The following KCND2 variants were observed in gnomAD, a reference collection of about 807,000 sequenced individuals.
The protein encoded by KCND2 is potassium voltage-gated channel subfamily D member 2.
In KCND2, 16 loss-of-function variants were observed where a neutral mutation model predicts 54.4. The ratio of observed to expected loss-of-function variants is 0.29; its 90% confidence interval spans 0.20 to 0.45. The LOEUF (loss-of-function observed/expected upper bound fraction) is 0.45. Among genes scored for constraint, KCND2 ranks in the 20% least tolerant of loss-of-function variants. The pLI is 1.00. For synonymous variants in KCND2, 317 were observed against 310.7 expected (o/e 1.02, Z -0.21); for missense variants, 486 against 824.2 (o/e 0.59, Z 5.02).
intron 1 of KCND2, among the ~76,000 whole-genome samples, chr7:120,663,489 C>T (rs1791890775): frequency 6.6e-6 from 1 of 152,074 alleles, no homozygotes; most frequent in South Asian, 2.1e-4. Context: ...TTTTAACTTT[C>T]ACTTTTTAAA....
chr7:120,523,562 C>T (rs141230615), intron 1 of KCND2, among the ~76,000 whole-genome samples: 25 of 149,018 alleles, frequency 1.7e-4, no homozygotes, highest in African/African-American at 6.1e-4. Flanking sequence ...TTGCTATTCT[C>T]GATAAGCCAA....
At chr7:120,511,195 TC>T (rs1026838349) in intron 1 of KCND2, among the ~76,000 whole-genome samples, 9 of 152,046 alleles carry the variant, frequency 5.9e-5, no homozygotes, top group African/African-American at 1.7e-4. Context: ...CACTCTCACT[TC>T]CTTCACATCT....
chr7:120,386,421 T>C (rs62471544), intron 1 of KCND2, among the ~76,000 whole-genome samples: 15,531 of 152,034 alleles, frequency 0.1, 831 homozygotes, highest in Admixed American at 0.13. Flanking sequence ...CACAGGATTA[T>C]CTTGGAACTC....
At position 120,348,177 on chromosome 7, in the gene KCND2, G is replaced by C. The variant is rs187835513; in HGVS notation, c.1115+72430G>C. 1.1e-4 allele frequency among the ~76,000 whole-genome samples: 16 copies of C among 152,228 alleles called. No homozygotes were observed. In the East Asian group the frequency reaches 2.9e-3, roughly 28 times the overall value. Reference sequence around the variant, plus strand: ...AGGGAATCATCAGATACGCTATAATGCTATCTCTTTGATTCCAAATATCAT... The same window carrying C: ...AGGGAATCATCAGATACGCTATAATCCTATCTCTTTGATTCCAAATATCAT... On this transcript the variant is annotated intron_variant, in intron 1 of 5. Coordinates refer to ENST00000331113, the MANE Select transcript of KCND2 (RefSeq NM_012281.3).
intron 1 of KCND2, among the ~76,000 whole-genome samples, chr7:120,444,899 C>T (rs1291559674): frequency 6.6e-6 from 1 of 152,034 alleles, no homozygotes; most frequent in Non-Finnish European, 1.5e-5. Flanking sequence ...TTAACACTTA[C>T]CTCAGTGGAA....
chr7:120,484,561 A>G (rs1414300858), intron 1 of KCND2, among the ~76,000 whole-genome samples: 4 of 151,430 alleles, frequency 2.6e-5, no homozygotes, highest in Non-Finnish European at 5.9e-5. Flanking sequence ...TCATTTTACT[A>G]CAGAAACTTG....
At chr7:120,641,587 T>A (rs1240204193) in intron 1 of KCND2, among the ~76,000 whole-genome samples, 10 of 152,136 alleles carry the variant, frequency 6.6e-5, no homozygotes, top group African/African-American at 2.4e-4. Context: ...CCAGATGCAG[T>A]GGGCTGAAGG....
intron 1 of KCND2, among the ~76,000 whole-genome samples, chr7:120,606,373 T>C (rs1003448613): frequency 3.9e-5 from 6 of 152,192 alleles, no homozygotes; most frequent in African/African-American, 1.4e-4. Flanking sequence ...ACAATACTTT[T>C]AATTTTGATG....
At chr7:120,701,239 C>T (rs1792396897) in intron 1 of KCND2, among the ~76,000 whole-genome samples, 1 of 32,416 alleles carries the variant, frequency 3.1e-5, no homozygotes, top group South Asian at 1.2e-3. Flanking sequence ...TAATGCCTAG[C>T]TAAAAAAAAA....
At chr7:120,312,839 A>T (rs1435657442) in intron 1 of KCND2, among the ~76,000 whole-genome samples, 1 of 152,200 alleles carries the variant, frequency 6.6e-6, no homozygotes, top group East Asian at 1.9e-4. Flanking sequence ...ATTAATGGGT[A>T]GTTGGCCTAC....
intron 1 of KCND2, among the ~76,000 whole-genome samples, chr7:120,523,813 T>TTATA (rs67534337): frequency 8.1e-5 from 12 of 148,030 alleles, no homozygotes; most frequent in African/African-American, 2.7e-4. Context: ...TAAAATTTAT[T>TTATA]TATATATATA....
chr7:120,665,361 C>T (rs1430247595), intron 1 of KCND2, among the ~76,000 whole-genome samples: 1 of 152,066 alleles, frequency 6.6e-6, no homozygotes, highest in African/African-American at 2.4e-5. Flanking sequence ...TTACCTCTCT[C>T]TTAGGCAACC....
chr7:120,582,299 A>G (rs1367878751), intron 1 of KCND2, among the ~76,000 whole-genome samples: 1 of 151,452 alleles, frequency 6.6e-6, no homozygotes, highest in Non-Finnish European at 1.5e-5. Flanking sequence ...CACCTCTTCC[A>G]TTTTCCTCCT....
At chr7:120,620,043 T>C (rs1793078580) in intron 1 of KCND2, among the ~76,000 whole-genome samples, 1 of 152,190 alleles carries the variant, frequency 6.6e-6, no homozygotes, top group Admixed American at 6.5e-5. Flanking sequence ...ATATTTTCTG[T>C]CCAATTACAT....
chr7:120,285,918 A>G (rs1052908124), intron 1 of KCND2, among the ~76,000 whole-genome samples: 1 of 151,924 alleles, frequency 6.6e-6, no homozygotes, highest in African/African-American at 2.4e-5. Context: ...AGTAGTGATA[A>G]GTAAAGTGCC....
intron 1 of KCND2, among the ~76,000 whole-genome samples, chr7:120,290,433 G>T (rs7801746): frequency 0.66 from 100,042 of 151,494 alleles, 37,885 homozygotes; most frequent in South Asian, 0.91. Context: ...ACTTATTTAT[G>T]CTCTTTCACC....
Position 120,404,385 on chromosome 7 carries a change from T to C in KCND2, c.1115+128638T>C, listed in dbSNP as rs7800270. On this transcript the variant is annotated intron_variant, in intron 1 of 5. Coordinates refer to ENST00000331113, the MANE Select transcript of KCND2 (RefSeq NM_012281.3). Reference sequence around the variant, plus strand: ...GAATACAGCATATTCTGAACATCTCTACATTTGTGACATCTCTTAATGTCA... The same window carrying C: ...GAATACAGCATATTCTGAACATCTCCACATTTGTGACATCTCTTAATGTCA... 2.6e-3 allele frequency among the ~76,000 whole-genome samples: 401 copies of C among 152,334 alleles called. 3 individuals are homozygous for C. Among genetic ancestry groups the C allele is most frequent in the African/African-American group, 9.5e-3 (394 of 41,588 alleles).
intron 2 of KCND2, among the ~76,000 whole-genome samples, chr7:120,738,847 G>T (rs1212475228): frequency 1.3e-5 from 2 of 151,966 alleles, no homozygotes; most frequent in African/African-American, 2.4e-5. Context: ...TCAATTACCT[G>T]CTGTAATCAC....
chr7:120,673,224 C>T (rs1231792574), intron 1 of KCND2, among the ~76,000 whole-genome samples: 1 of 152,136 alleles, frequency 6.6e-6, no homozygotes, highest in Non-Finnish European at 1.5e-5. Context: ...TTAAACCATC[C>T]AGTCCGTGGT....
Sources: gnomAD v4.1 joint callset for allele counts (sites outside exome capture counted in the v4.1 genomes callset) on GRCh38, gnomAD v4.1.1 for gene constraint, MANE v1.5 for transcripts, NCBI Gene and HGNC (gene_info 2026-07-23, HGNC 2026-07-21) for gene names.